Variants in RTN1 observed in about 807,000 individuals in gnomAD.
RTN1 encodes reticulon 1.
A neutral mutation model predicts 65.5 loss-of-function variants in RTN1; 25 were observed. That is an observed-to-expected ratio of 0.38 (90% CI 0.28 to 0.53). RTN1 has a LOEUF of 0.53. Ranked by LOEUF, RTN1 falls within the 20% of genes least tolerant of loss-of-function variation. RTN1 has a pLI of 0.79. For missense variants in RTN1, 983 were observed against 1,025.4 expected, an observed-to-expected ratio of 0.96 and a Z score of 0.57; for synonymous variants, 471 against 447.6, an observed-to-expected ratio of 1.05 and a Z score of -0.66.
At chr14:59,719,043 T>G (rs2139465450) in intron 3 of RTN1, among the ~76,000 whole-genome samples, 1 of 152,308 alleles carries the variant, frequency 6.6e-6, no homozygotes, top group African/African-American at 2.4e-5. Context: ...TTGCTTGTCC[T>G]CCTTCAACTC....
At chr14:59,703,193 T>C (rs1409996591) in intron 3 of RTN1, among the ~76,000 whole-genome samples, 1 of 152,192 alleles carries the variant, frequency 6.6e-6, no homozygotes, top group Non-Finnish European at 1.5e-5. Context: ...TCTAGCATAC[T>C]ATATAATTTG....
intron 3 of RTN1, among the ~76,000 whole-genome samples, chr14:59,675,187 G>A (rs903609374): frequency 6.6e-6 from 1 of 152,152 alleles, no homozygotes; most frequent in African/African-American, 2.4e-5. Flanking sequence ...AAGAGGGTCA[G>A]GGAAGGTTTC....
chr14:59,842,243 C>T (rs528161748), intron 1 of RTN1, among the ~76,000 whole-genome samples: 1 of 150,942 alleles, frequency 6.6e-6, no homozygotes, highest in African/African-American at 2.4e-5. Flanking sequence ...CCAGGAAGAA[C>T]ATTCATAAAT....
Position 59,607,464 on chromosome 14 carries a change from G to T in RTN1, c.1794C>A (p.Ile598=). 6.2e-7 allele frequency: 1 copy of T among 1,603,478 alleles called. No individual in the cohort carries two copies. The highest frequency in any genetic ancestry group is 8.5e-7 in the Non-Finnish European group (1 of 1,174,664). ...TCCCAAACACGATGCCCGTCTGCTT[G>T]ATGTCCCGCCAATACAACAGGTCAA... ...KAIDLLYWRD[I]KQTGIVFGSF... Residue 598 remains isoleucine, a synonymous_variant, in exon 4 of 9, where the codon ATC becomes ATA. Coordinates refer to ENST00000267484, the MANE Select transcript of RTN1 (RefSeq NM_021136.3).
intron 3 of RTN1, among the ~76,000 whole-genome samples, chr14:59,691,186 A>G (rs1260018368): frequency 6.6e-6 from 1 of 152,180 alleles, no homozygotes; most frequent in Non-Finnish European, 1.5e-5. Context: ...ATAGCCCACT[A>G]GCTAGATTAC....
rs147270607 is a variant in RTN1, at chr14:59,738,544, T to C, written c.1015+7164A>G. Among the ~76,000 whole-genome samples, 343 of 152,272 alleles carry C rather than the reference T, an allele frequency of 2.3e-3. 8 individuals are homozygous for C. In the East Asian group the frequency reaches 0.036, roughly 16 times the overall value. Reference sequence around the variant, plus strand: ...GTGGAGAAAAAGGAATGCTTTTACATTGTTAGTGGAAGTGTAAATTAGTTC... The same window carrying C: ...GTGGAGAAAAAGGAATGCTTTTACACTGTTAGTGGAAGTGTAAATTAGTTC... On this transcript the variant is annotated intron_variant, in intron 2 of 8. Coordinates refer to ENST00000267484, the MANE Select transcript of RTN1 (RefSeq NM_021136.3).
At chr14:59,759,785 T>C (rs74380245) in intron 1 of RTN1, among the ~76,000 whole-genome samples, 1,759 of 151,182 alleles carry the variant, frequency 0.012, 32 homozygotes, top group African/African-American at 0.041. Flanking sequence ...AAAATGCAAA[T>C]TGAAAAATCC....
chr14:59,644,449 G>A (rs759518193), intron 3 of RTN1, among the ~76,000 whole-genome samples: 13 of 152,174 alleles, frequency 8.5e-5, no homozygotes, highest in Non-Finnish European at 1.5e-4. Context: ...CAGGGCCTGT[G>A]GTATGACATG....
chr14:59,839,963 A>G (rs1285347736), intron 1 of RTN1, among the ~76,000 whole-genome samples: 2 of 150,892 alleles, frequency 1.3e-5, no homozygotes, highest in Non-Finnish European at 3.0e-5. Context: ...GTGTTCCATA[A>G]TTAACTTTTC....
intron 1 of RTN1, among the ~76,000 whole-genome samples, chr14:59,767,457 C>T (rs1885870662): frequency 6.6e-6 from 1 of 152,206 alleles, no homozygotes; most frequent in African/African-American, 2.4e-5. Context: ...GCTCACCTAC[C>T]TCTGAACTGA....
At chr14:59,865,714 T>C (rs909556922) in intron 1 of RTN1, among the ~76,000 whole-genome samples, 8 of 152,228 alleles carry the variant, frequency 5.3e-5, no homozygotes, top group African/African-American at 1.7e-4. Flanking sequence ...AGAGCATTCC[T>C]ATGTAGATAC....
chr14:59,653,211 C>T (rs891002340), intron 3 of RTN1, among the ~76,000 whole-genome samples: 1 of 152,022 alleles, frequency 6.6e-6, no homozygotes, highest in Admixed American at 6.6e-5. Flanking sequence ...ATACTAATAC[C>T]GACTGATTTC....
In RTN1 at chr14:59,745,948, T is replaced by C; in HGVS notation, c.775A>G (p.Thr259Ala). The C allele has an allele frequency of 1.2e-6, 2 of 1,614,160 alleles. No individual in the cohort carries two copies. The highest frequency in any genetic ancestry group is 1.1e-5 in the South Asian group (1 of 91,084). The stretch of plus-strand genomic sequence containing the variant: ...AGATCATCTATGTATGGAGCAAATG[T>C]GGATTCTTCCAATAAATGGTCCTTG... ...IIKDHLLEES[T>A]FAPYIDDLSE... Residue 259 changes from threonine (T) to alanine (A), a missense_variant, in exon 2 of 9, where the codon ACA becomes GCA. By Grantham distance (58) the Thr-to-Ala change is moderately conservative. This residue lies in a region of RTN1 where 818 missense variants were observed against 801.8 expected (regional missense o/e 1.02). Transcript: ENST00000267484.
intron 3 of RTN1, among the ~76,000 whole-genome samples, chr14:59,720,460 G>A (rs73311562): frequency 0.018 from 2,805 of 152,182 alleles, 91 homozygotes; most frequent in African/African-American, 0.064. Flanking sequence ...AGTGGCTCAC[G>A]CTAGTAATTC....
Position 59,829,197 on chromosome 14 carries a change from G to C in RTN1, c.241+41193C>G, listed in dbSNP as rs79559889. On this transcript the variant is annotated intron_variant, in intron 1 of 8. Transcript: ENST00000267484. The surrounding 1 kb of genome is among the most constrained non-coding windows in gnomAD (Gnocchi z 4.3). Reference sequence around the variant, plus strand: ...TGCCTTCTACAACAATGTTTTGGGAGGGATTTAAGGATGAATAAGATGTAC... The same window carrying C: ...TGCCTTCTACAACAATGTTTTGGGACGGATTTAAGGATGAATAAGATGTAC... 0.012 allele frequency among the ~76,000 whole-genome samples: 1,846 copies of C among 152,240 alleles called. 35 individuals carry two copies. The highest frequency in any genetic ancestry group is 0.041 in the African/African-American group (1,715 of 41,542).
rs1174327794 is a variant in RTN1 at position 59,745,993 on chromosome 14, G to A, written c.730C>T (p.Pro244Ser). ...EGVREPDKPA[P>S]VEGKIIKDHL... ...TCCTTGATGATTTTTCCCTCCACAGGAGCTGGTTTGTCAGGTTCACGGACT... is the reference window on the plus strand; with the variant it reads ...TCCTTGATGATTTTTCCCTCCACAGAAGCTGGTTTGTCAGGTTCACGGACT... The change falls in exon 2 of 9, where the codon CCT (proline) becomes TCT (serine). Residue 244 changes from proline to serine, a missense_variant. This residue lies in a region of RTN1 where 818 missense variants were observed against 801.8 expected (regional missense o/e 1.02). Coordinates refer to ENST00000267484, the MANE Select transcript of RTN1 (RefSeq NM_021136.3). The A allele has an allele frequency of 1.2e-6, 2 of 1,614,008 alleles. No individual in the cohort carries two copies. Among genetic ancestry groups the A allele is most frequent in the Non-Finnish European group, 1.7e-6 (2 of 1,180,028 alleles).
rs1887019568 is a variant in RTN1 at position 59,825,693 on chromosome 14, G to A, written c.241+44697C>T. 6.6e-6 allele frequency among the ~76,000 whole-genome samples: 1 copy of A among 152,204 alleles called. No homozygotes were observed. Among genetic ancestry groups the A allele is most frequent in the Non-Finnish European group, 1.5e-5 (1 of 68,044 alleles). On this transcript the variant is annotated intron_variant, in intron 1 of 8. Coordinates refer to ENST00000267484, the MANE Select transcript of RTN1 (RefSeq NM_021136.3). This position sits in a 1 kb window ranked among gnomAD's most constrained non-coding sequence, Gnocchi z 4.2. ...TGGCCAAGGAATAGTGTTACTGTGT[G>A]CTCTTAGAGTTACACAGAATTTTAC... is the stretch of plus-strand genomic sequence containing the variant.
chr14:59,640,588 T>G (rs1269871473), intron 3 of RTN1, among the ~76,000 whole-genome samples: 17 of 152,206 alleles, frequency 1.1e-4, no homozygotes, highest in Non-Finnish European at 1.9e-4. Context: ...GTGCTGGGAT[T>G]ACAGGCGTGA....
intron 1 of RTN1, among the ~76,000 whole-genome samples, chr14:59,769,032 G>A (rs1885903436): frequency 6.6e-6 from 1 of 152,192 alleles, no homozygotes; most frequent in Non-Finnish European, 1.5e-5. Context: ...CCTGGACAAA[G>A]TAGGATGAGT....
Sources: gnomAD v4.1 joint callset for allele counts (sites outside exome capture counted in the v4.1 genomes callset) on GRCh38, gnomAD v4.1.1 for gene constraint, gnomAD v4.1.1 regional missense constraint, Gnocchi (gnomAD v3.1) non-coding constraint, MANE v1.5 for transcripts, NCBI Gene and HGNC (gene_info 2026-07-23, HGNC 2026-07-21) for gene names.